TMEM17: variants seen among roughly 807,000 people sequenced by gnomAD.
TMEM17 encodes transmembrane protein 17.
A neutral mutation model predicts 19.1 loss-of-function variants in TMEM17; 15 were observed. The observed-to-expected ratio is 0.78, with a 90% CI of 0.52 to 1.21. The LOEUF is 1.21. TMEM17 is among the 50% of genes most tolerant of loss of function. The probability of loss-of-function intolerance (pLI) is 0.00; values close to 1 mark genes in which losing one functional copy is unlikely to be tolerated. For missense variants in TMEM17, 245 were observed against 242.3 expected (o/e 1.01, Z -0.07); for synonymous variants, 103 against 86.9 (o/e 1.19, Z -1.03).
At chr2:62,487,833 A>G in the TMEM17 span, among the ~76,000 whole-genome samples, 4 of 152,176 alleles carry the variant, frequency 2.6e-5, no homozygotes, top group South Asian at 8.3e-4. Flanking sequence ...AGCTGAGATT[A>G]CAGGCTCATG....
At chr2:62,454,472 AGCT>A in the TMEM17 span, among the ~76,000 whole-genome samples, 1 of 152,172 alleles carries the variant, frequency 6.6e-6, no homozygotes, top group Non-Finnish European at 1.5e-5. Flanking sequence ...GGCACAATAT[AGCT>A]GCGGTACAGG....
In TMEM17 at chr2:62,503,203, CTT is replaced by C. The variant is rs756206104; in HGVS notation, c.101-411_101-410del. ...ATGAATCTCCCACAGATAAACTAAT[CTT>C]ATACAAAAACGGATTACCAAGGTTA... On this transcript the variant is annotated intron_variant, in intron 1 of 3. Transcript: ENST00000335390. Among the ~76,000 whole-genome samples the C allele has an allele frequency of 2.6e-5, 4 of 152,162 alleles. No homozygotes were observed. In the East Asian group the frequency reaches 7.7e-4, roughly 29 times the overall value.
rs149330570 is a variant in TMEM17, at chr2:62,501,268, G to A, written c.538C>T (p.Arg180Trp). 109 of 1,614,026 alleles carry A rather than the reference G, an allele frequency of 6.8e-5. No individual in the cohort carries two copies. The highest frequency in any genetic ancestry group is 8.4e-5 in the Non-Finnish European group (99 of 1,180,034). Residue 180 changes from arginine (R) to tryptophan (W), a missense_variant, in exon 4 of 4, where the codon CGG (arginine) becomes TGG (tryptophan). Physicochemically the swap from Arg to Trp is moderately radical, Grantham distance 101 (BLOSUM62 -3). Coordinates refer to ENST00000335390, the MANE Select transcript of TMEM17 (RefSeq NM_198276.3). Reference protein sequence around the residue: ...AVRFHLQDFDRLSANRGDMRR... With the variant: ...AVRFHLQDFDWLSANRGDMRR... ...ATGTCTCCTCTGTTTGCAGAGAGCCGGTCAAAGTCTTGGAGGTGGAAACGA... is the reference window on the plus strand; with the variant it reads ...ATGTCTCCTCTGTTTGCAGAGAGCCAGTCAAAGTCTTGGAGGTGGAAACGA...
At chr2:62,464,708 C>G in the TMEM17 span, among the ~76,000 whole-genome samples, 1 of 152,182 alleles carries the variant, frequency 6.6e-6, no homozygotes, top group Admixed American at 6.5e-5. Flanking sequence ...TATTCAAATC[C>G]GTCTCCCGGA....
chr2:62,457,814 C>T, the TMEM17 span, among the ~76,000 whole-genome samples: 2 of 152,230 alleles, frequency 1.3e-5, no homozygotes, highest in African/African-American at 4.8e-5. The surrounding 1 kb of genome is among the most constrained non-coding windows in gnomAD (Gnocchi z 4.2). Context: ...TTGCCTCCAG[C>T]AGCCTCAGCT....
downstream of TMEM17, among the ~76,000 whole-genome samples, chr2:62,498,147 G>A (rs1057367192): frequency 1.1e-4 from 16 of 152,232 alleles, no homozygotes; most frequent in African/African-American, 3.6e-4. Flanking sequence ...CACTTTGGGA[G>A]GCTGAGGCGG....
intron 1 of TMEM17, among the ~76,000 whole-genome samples, chr2:62,503,589 A>C (rs1679989774): frequency 6.6e-6 from 1 of 152,228 alleles, no homozygotes; most frequent in Non-Finnish European, 1.5e-5. Flanking sequence ...ACTTCCTCAC[A>C]GGCTGTTTGT....
At chr2:62,481,698 G>GGTGTGTGTGTGTGTGTGT in the TMEM17 span, among the ~76,000 whole-genome samples, 11 of 144,052 alleles carry the variant, frequency 7.6e-5, no homozygotes, top group East Asian at 2.1e-4. Context: ...ACCCCTTAAA[G>GGTGTGTGTGTGTGTGTGT]GTGTGTGTGT....
downstream of TMEM17, among the ~76,000 whole-genome samples, chr2:62,499,748 C>A (rs147939474): frequency 2.9e-3 from 444 of 152,212 alleles, 1 homozygote; most frequent in Admixed American, 5.5e-3. Context: ...CTACAACTGT[C>A]CCTCAGTAAA....
chr2:62,460,532 G>A, the TMEM17 span, among the ~76,000 whole-genome samples: 1 of 152,076 alleles, frequency 6.6e-6, no homozygotes, highest in Non-Finnish European at 1.5e-5. Flanking sequence ...TCCCTCTCCT[G>A]GAAGCCAGTT....
chr2:62,481,326 T>G, the TMEM17 span, among the ~76,000 whole-genome samples: 1 of 152,230 alleles, frequency 6.6e-6, no homozygotes, highest in Non-Finnish European at 1.5e-5. Context: ...TCATCAGTTC[T>G]GAGAGGTTTT....
At chr2:62,485,855 A>G in the TMEM17 span, among the ~76,000 whole-genome samples, 2 of 152,218 alleles carry the variant, frequency 1.3e-5, no homozygotes, top group Admixed American at 1.3e-4. Flanking sequence ...AACAGCCCCA[A>G]GAATCCTAGT....
At chr2:62,454,452 T>G in the TMEM17 span, among the ~76,000 whole-genome samples, 1 of 152,110 alleles carries the variant, frequency 6.6e-6, no homozygotes, top group Non-Finnish European at 1.5e-5. Context: ...CTCCCCAGAA[T>G]GTAAAAGGTG....
intron 1 of TMEM17, among the ~76,000 whole-genome samples, chr2:62,504,485 A>C (rs1264854703): frequency 6.6e-6 from 1 of 152,190 alleles, no homozygotes; most frequent in Non-Finnish European, 1.5e-5. Flanking sequence ...TTTTGCAAAG[A>C]ATGGTTTTCA....
downstream of TMEM17, among the ~76,000 whole-genome samples, chr2:62,496,512 GTAAA>G (rs1679782028): frequency 2.6e-5 from 4 of 152,248 alleles, no homozygotes; most frequent in South Asian, 4.1e-4. Context: ...AGAAACATAG[GTAAA>G]TACTTTTAAT....
At chr2:62,497,780 G>C (rs62178012), downstream of TMEM17, among the ~76,000 whole-genome samples, 27,850 of 152,208 alleles carry the variant, frequency 0.18, 3,038 homozygotes, top group Non-Finnish European at 0.24. Flanking sequence ...GCTAAATGGT[G>C]TTGATGTAGG....
At chr2:62,491,446 C>A in the TMEM17 span, 1 of 152,442 alleles carries the variant, frequency 6.6e-6, no homozygotes, top group Non-Finnish European at 1.5e-5. Context: ...CCAGCCCGGG[C>A]AACATAGCGA....
chr2:62,495,618 T>C (rs1278392625), downstream of TMEM17, among the ~76,000 whole-genome samples: 1 of 152,158 alleles, frequency 6.6e-6, no homozygotes, highest in African/African-American at 2.4e-5. Context: ...GACCAAAATC[T>C]AACATATTAC....
the TMEM17 span, among the ~76,000 whole-genome samples, chr2:62,493,035 G>GTTTGT: frequency 0.013 from 2,015 of 152,140 alleles, 37 homozygotes; most frequent in African/African-American, 0.046. Context: ...TCGTTTGTTT[G>GTTTGT]TTTGTTTTGT....
Sources: gnomAD v4.1 joint callset for allele counts (sites outside exome capture counted in the v4.1 genomes callset) on GRCh38, gnomAD v4.1.1 for gene constraint, Gnocchi (gnomAD v3.1) non-coding constraint, MANE v1.5 for transcripts, NCBI Gene and HGNC (gene_info 2026-07-23, HGNC 2026-07-21) for gene names.